Variants in CSMD1 observed in about 807,000 individuals in gnomAD.
CSMD1 encodes the protein CUB and Sushi multiple domains 1, also known as CUB and sushi domain-containing protein 1.
Under a neutral mutation model 417.5 loss-of-function variants are expected in CSMD1, and 213 were observed. That is an observed-to-expected ratio of 0.51 (90% CI 0.46 to 0.57). The LOEUF (loss-of-function observed/expected upper bound fraction) is 0.57, where lower values mean the gene tolerates loss of function less well. Ranked by LOEUF, CSMD1 falls within the 20% of genes least tolerant of loss-of-function variation. The probability of loss-of-function intolerance (pLI) is 0.00; values close to 1 mark genes in which losing one functional copy is unlikely to be tolerated. For synonymous variants in CSMD1, 2,862 were observed against 1,736.8 expected (o/e 1.65, Z -16.11); for missense variants, 6,923 against 4,529.7 (o/e 1.53, Z -15.17).
At chr8:4,950,407 C>T (rs780038267) in intron 1 of CSMD1, among the ~76,000 whole-genome samples, 6 of 152,032 alleles carry the variant, frequency 3.9e-5, no homozygotes, top group African/African-American at 1.4e-4. Flanking sequence ...CACAAACAAG[C>T]GTTTTTAGAT....
intron 1 of CSMD1, among the ~76,000 whole-genome samples, chr8:4,811,131 C>T (rs11780377): frequency 0.03 from 4,600 of 152,218 alleles, 98 homozygotes; most frequent in Non-Finnish European, 0.039. Context: ...CATAAATGAT[C>T]AAGTGAGAAA....
At chr8:3,515,150 T>C (rs1190941113) in intron 10 of CSMD1, 1 of 152,230 alleles carries the variant, frequency 6.6e-6, no homozygotes, top group African/African-American at 2.4e-5. Flanking sequence ...ATGCGAAGGA[T>C]CAAGAAGTAG....
intron 7 of CSMD1, among the ~76,000 whole-genome samples, chr8:3,629,240 G>C (rs937405029): frequency 6.6e-6 from 1 of 152,152 alleles, no homozygotes; most frequent in Non-Finnish European, 1.5e-5. Flanking sequence ...AGTTACTGAG[G>C]CAAAGGTCAA....
At chr8:4,723,383 G>A (rs1809190736) in intron 1 of CSMD1, among the ~76,000 whole-genome samples, 1 of 152,086 alleles carries the variant, frequency 6.6e-6, no homozygotes, top group African/African-American at 2.4e-5. Flanking sequence ...TGAAAAACAT[G>A]TTGCCATTTC....
At chr8:4,868,574 C>T (rs918284473) in intron 1 of CSMD1, among the ~76,000 whole-genome samples, 1 of 151,958 alleles carries the variant, frequency 6.6e-6, no homozygotes, top group Non-Finnish European at 1.5e-5. Context: ...TATTAAAAAA[C>T]CAATCATTTT....
chr8:4,842,249 T>C (rs1363184270), intron 1 of CSMD1, among the ~76,000 whole-genome samples: 2 of 152,212 alleles, frequency 1.3e-5, no homozygotes, highest in Non-Finnish European at 2.9e-5. Context: ...AGTCAAAGCT[T>C]ATTTTCATAT....
At chr8:4,324,658 GAA>G (rs1434528620) in intron 3 of CSMD1, among the ~76,000 whole-genome samples, 1 of 152,182 alleles carries the variant, frequency 6.6e-6, no homozygotes, top group Non-Finnish European at 1.5e-5. Context: ...ACTGCTCCTG[GAA>G]GATCCAGCTC....
At chr8:3,426,879 T>C (rs972378781) in intron 12 of CSMD1, among the ~76,000 whole-genome samples, 2 of 152,134 alleles carry the variant, frequency 1.3e-5, no homozygotes, top group African/African-American at 4.8e-5. Context: ...GGGTAGTTTA[T>C]AAAGGAAAGA....
At chr8:4,584,456 G>A (rs566539900) in intron 2 of CSMD1, among the ~76,000 whole-genome samples, 13 of 152,042 alleles carry the variant, frequency 8.6e-5, no homozygotes, top group Admixed American at 2.0e-4. Context: ...AGCGACTAGC[G>A]TGGCCGCCGG....
At chr8:4,688,195 A>G (rs565255629) in intron 1 of CSMD1, among the ~76,000 whole-genome samples, 1 of 152,158 alleles carries the variant, frequency 6.6e-6, no homozygotes, top group South Asian at 2.1e-4. Context: ...GAGAGTCAAG[A>G]TTCTTTGGGT....
In CSMD1 at chr8:4,151,908, T is replaced by G. The variant is rs114098596; in HGVS notation, c.416-119809A>C. ...AATATTAGAGGGCAGAGAAGTCCAT[T>G]TGTCTATCAGCAGAGATAAGTTTTG... On this transcript the variant is annotated intron_variant, in intron 3 of 69. Transcript: ENST00000635120. Among the ~76,000 whole-genome samples, 176 of 152,270 alleles carry G rather than the reference T, an allele frequency of 1.2e-3. 1 individual carries two copies. The highest frequency in any genetic ancestry group is 4.1e-3 in the African/African-American group (172 of 41,560).
At chr8:3,615,226 T>C (rs1385054816) in intron 8 of CSMD1, among the ~76,000 whole-genome samples, 4 of 152,094 alleles carry the variant, frequency 2.6e-5, no homozygotes, top group South Asian at 2.1e-4. Flanking sequence ...AAGGAAGCCA[T>C]TTATTGACAG....
At chr8:3,333,407 A>C (rs1190094119) in intron 23 of CSMD1, among the ~76,000 whole-genome samples, 1 of 152,144 alleles carries the variant, frequency 6.6e-6, no homozygotes, top group Non-Finnish European at 1.5e-5. Flanking sequence ...AATTATCTAC[A>C]AGTTAACTGT....
At chr8:3,781,592 C>T (rs1158205124) in intron 5 of CSMD1, among the ~76,000 whole-genome samples, 1 of 152,168 alleles carries the variant, frequency 6.6e-6, no homozygotes, top group Non-Finnish European at 1.5e-5. Context: ...TATCAGTGTA[C>T]TCTGTCCCAC....
At chr8:4,282,799 A>G (rs1796859046) in intron 3 of CSMD1, among the ~76,000 whole-genome samples, 1 of 152,160 alleles carries the variant, frequency 6.6e-6, no homozygotes, top group Non-Finnish European at 1.5e-5. Flanking sequence ...ACACTTCATA[A>G]TGGAGTCGGG....
At chr8:4,530,668 C>G (rs983714276) in intron 2 of CSMD1, among the ~76,000 whole-genome samples, 1 of 151,244 alleles carries the variant, frequency 6.6e-6, no homozygotes, top group African/African-American at 2.4e-5. Flanking sequence ...CTGCAAAGGG[C>G]ATGAACTCAT....
intron 2 of CSMD1, among the ~76,000 whole-genome samples, chr8:4,574,449 T>A (rs993570499): frequency 6.6e-5 from 10 of 152,178 alleles, no homozygotes; most frequent in Admixed American, 6.5e-4. Flanking sequence ...CTCCGTGGGC[T>A]GCACCTACTT....
chr8:2,955,476 T>G, intron 64 of CSMD1, 113 bp downstream of exon 64: 1 of 984,886 alleles, frequency 1.0e-6, no homozygotes, highest in South Asian at 1.7e-5. Flanking sequence ...GTGGCGATGC[T>G]GCAGCCTCAT....
At chr8:4,855,805 G>C (rs1282109532) in intron 1 of CSMD1, among the ~76,000 whole-genome samples, 1 of 151,730 alleles carries the variant, frequency 6.6e-6, no homozygotes, top group African/African-American at 2.4e-5. Flanking sequence ...ACCTGAAAGT[G>C]ATGGGGAGAA....
Sources: gnomAD v4.1 joint callset for allele counts (sites outside exome capture counted in the v4.1 genomes callset) on GRCh38, gnomAD v4.1.1 for gene constraint, MANE v1.5 for transcripts, NCBI Gene and HGNC (gene_info 2026-07-23, HGNC 2026-07-21) for gene names.